TMEM114: variants seen among roughly 807,000 people sequenced by gnomAD.
TMEM114 encodes claudin-26.
TMEM114 carries 6 observed loss-of-function variants against 6.2 expected under a neutral mutation model. The ratio of observed to expected loss-of-function variants is 0.97; its 90% CI spans 0.53 to 1.91. The LOEUF (loss-of-function observed/expected upper bound fraction) is 1.91. TMEM114 is among the 40% of genes most tolerant of loss of function. The pLI, the probability that TMEM114 is intolerant of heterozygous loss-of-function variation, is 0.01. For synonymous variants in TMEM114, 104 were observed against 73.0 expected, an observed-to-expected ratio of 1.42 and a Z score of -2.16; for missense variants, 218 against 158.3, an observed-to-expected ratio of 1.38 and a Z score of -2.02.
intron 2 of TMEM114, among the ~76,000 whole-genome samples, chr16:8,563,641 A>AG (rs1901376848): frequency 1.4e-5 from 2 of 146,618 alleles, no homozygotes; most frequent in Admixed American, 6.7e-5. Context: ...GAATGAGTAA[A>AG]TGAGTGAGTG....
chr16:8,549,753 G>A (rs1376011978), intron 2 of TMEM114, among the ~76,000 whole-genome samples: 1 of 152,142 alleles, frequency 6.6e-6, no homozygotes, highest in African/African-American at 2.4e-5. Flanking sequence ...TTGCCATGAT[G>A]AAGAGTAAGT....
chr16:8,566,020 G>T (rs970723855), downstream of TMEM114, among the ~76,000 whole-genome samples: 3 of 152,174 alleles, frequency 2.0e-5, no homozygotes, highest in Non-Finnish European at 2.9e-5. Context: ...GAACAAAATG[G>T]ATCAGAATAG....
rs1596469573 is a variant in TMEM114, at chr16:8,547,770, T to C, written n.213-9944A>G. 2.0e-5 allele frequency among the ~76,000 whole-genome samples: 3 copies of C among 152,124 alleles called. No homozygotes were observed. In the South Asian group the frequency reaches 6.2e-4, roughly 32 times the overall value. ...AGGAGGTCCTTGCGTGGCCTCTGAGTGAAGTCTCGGGGAAGTGCGGACCAC... is the reference window on the plus strand; with the variant it reads ...AGGAGGTCCTTGCGTGGCCTCTGAGCGAAGTCTCGGGGAAGTGCGGACCAC... On this transcript the variant is annotated intron_variant and non_coding_transcript_variant, in intron 2 of 2. Transcript: ENST00000623677.
intron 2 of TMEM114, among the ~76,000 whole-genome samples, chr16:8,561,453 C>T (rs1402925794): frequency 2.0e-5 from 3 of 152,244 alleles, no homozygotes; most frequent in Non-Finnish European, 4.4e-5. Context: ...CCCGTGCACT[C>T]ATACACACAC....
intron 2 of TMEM114, among the ~76,000 whole-genome samples, chr16:8,562,008 G>C (rs1567201913): frequency 6.6e-6 from 1 of 150,658 alleles, no homozygotes; most frequent in Non-Finnish European, 1.5e-5. Context: ...GAGTAAATGA[G>C]TGACTGAATG....
At chr16:8,563,153 A>ATGAG (rs200553548) in intron 2 of TMEM114, among the ~76,000 whole-genome samples, 5,256 of 143,566 alleles carry the variant, frequency 0.037, 143 homozygotes, top group South Asian at 0.1. Context: ...GAGTGACTGA[A>ATGAG]TGAGTGAGTG....
downstream of TMEM114, among the ~76,000 whole-genome samples, chr16:8,534,087 C>G (rs78992096): frequency 7.4e-3 from 1,131 of 152,266 alleles, 6 homozygotes; most frequent in Middle Eastern, 0.024. Flanking sequence ...TGCAGCCTTG[C>G]CATGAGAGCA....
At chr16:8,532,557 G>C in the TMEM114 span, among the ~76,000 whole-genome samples, 1,794 of 152,288 alleles carry the variant, frequency 0.012, 26 homozygotes, top group African/African-American at 0.039. Flanking sequence ...GTCCATTAAA[G>C]AGAACGACGT....
intron 2 of TMEM114, among the ~76,000 whole-genome samples, chr16:8,578,616 C>T (rs145093061): frequency 4.6e-4 from 70 of 152,276 alleles, no homozygotes; most frequent in African/African-American, 1.6e-3. Context: ...CACAGTACCA[C>T]GTCTTGGATG....
chr16:8,550,081 C>T (rs772769720), intron 2 of TMEM114, among the ~76,000 whole-genome samples: 3 of 152,322 alleles, frequency 2.0e-5, no homozygotes, highest in Admixed American at 6.5e-5. Flanking sequence ...TGTTCCAGGG[C>T]AGGAAGCATC....
chr16:8,541,976 C>A (rs1357553732), intron 2 of TMEM114, among the ~76,000 whole-genome samples: 1 of 152,158 alleles, frequency 6.6e-6, no homozygotes, highest in African/African-American at 2.4e-5. Context: ...TGAACTTTAC[C>A]TCTAAGGGAT....
intron 2 of TMEM114, among the ~76,000 whole-genome samples, chr16:8,551,904 C>G (rs1337149450): frequency 6.6e-6 from 1 of 152,160 alleles, no homozygotes; most frequent in East Asian, 1.9e-4. Flanking sequence ...GAATACTACT[C>G]AGCAATGAAA....
chr16:8,576,704 C>CAGTAAGGA (rs1187855125), intron 2 of TMEM114, among the ~76,000 whole-genome samples: 5 of 129,430 alleles, frequency 3.9e-5, no homozygotes, highest in African/African-American at 1.5e-4. Flanking sequence ...TGAATGAGAG[C>CAGTAAGGA]AGGAAGGAAG....
rs1368441589 is a variant in TMEM114 at position 8,561,859 on chromosome 16, A to C, written n.213-24033T>G. ...GAATGAGTGAGTGAATGAATGAGTG[A>C]GTGAGGGAATGAGTGAGTGAATGAG... On this transcript the variant is annotated intron_variant and non_coding_transcript_variant, in intron 2 of 2. Transcript: ENST00000623677. Among the ~76,000 whole-genome samples, 3 of 148,980 alleles carry C rather than the reference A, an allele frequency of 2.0e-5. No individual in the cohort carries two copies. The Admixed American group carries it at 2.0e-4, about 10-fold the overall frequency.
intron 2 of TMEM114, among the ~76,000 whole-genome samples, chr16:8,538,427 G>C (rs1433423201): frequency 6.6e-6 from 1 of 152,088 alleles, no homozygotes; most frequent in Non-Finnish European, 1.5e-5. Context: ...GTTCCCTATT[G>C]TACCCATGGA....
chr16:8,562,516 A>ATGAGTGAATGAGTGAGTGAGTGAATGAG (rs1416908274), intron 2 of TMEM114, among the ~76,000 whole-genome samples: 1 of 27,208 alleles, frequency 3.7e-5, no homozygotes, highest in African/African-American at 1.7e-4. Context: ...GAGTGACTGA[A>ATGAGTGAATGAGTGAGTGAGTGAATGAG]TGAGTGAGTT....
chr16:8,572,384 A>G (rs1901763952), intron 2 of TMEM114, 160 bp from the exon 3 acceptor site: 2 of 776,400 alleles, frequency 2.6e-6, no homozygotes, highest in Non-Finnish European at 2.1e-6. Flanking sequence ...GATGATGACC[A>G]TGACAACAGT....
intron 2 of TMEM114, among the ~76,000 whole-genome samples, chr16:8,575,265 T>G (rs1444784096): frequency 6.6e-6 from 1 of 152,208 alleles, no homozygotes; most frequent in Non-Finnish European, 1.5e-5. Context: ...CCCACTGATC[T>G]AGAACTTATT....
At chr16:8,563,331 G>GAGTGAATGAGTGAGTA (rs1901354573) in intron 2 of TMEM114, among the ~76,000 whole-genome samples, 2 of 150,150 alleles carry the variant, frequency 1.3e-5, no homozygotes, top group South Asian at 2.1e-4. Context: ...GGGTATGAGT[G>GAGTGAATGAGTGAGTA]AGTGAATGAG....
Sources: gnomAD v4.1 joint callset for allele counts (sites outside exome capture counted in the v4.1 genomes callset) on GRCh38, gnomAD v4.1.1 for gene constraint, MANE v1.5 for transcripts, NCBI Gene and HGNC (gene_info 2026-07-23, HGNC 2026-07-21) for gene names.